The following CTDSPL variants were observed in gnomAD, a reference collection of about 807,000 sequenced individuals.
The protein encoded by CTDSPL is CTD small phosphatase-like protein.
A neutral mutation model predicts 30.5 loss-of-function variants in CTDSPL; 8 were observed. The ratio of observed to expected loss-of-function variants is 0.26; its 90% confidence interval spans 0.15 to 0.47. The LOEUF is 0.47. Among genes scored for constraint, CTDSPL ranks in the 20% least tolerant of loss-of-function variants. The pLI, the probability that CTDSPL is intolerant of heterozygous loss-of-function variation, is 0.99. For synonymous variants in CTDSPL, 110 were observed against 137.9 expected (o/e 0.80, Z 1.42); for missense variants, 248 against 366.1 (o/e 0.68, Z 2.63).
chr3:37,871,352 A>G (rs1481955820), intron 1 of CTDSPL, among the ~76,000 whole-genome samples: 1 of 152,112 alleles, frequency 6.6e-6, no homozygotes, highest in Non-Finnish European at 1.5e-5. Flanking sequence ...TTATCCATTC[A>G]CCTACTGAAG....
intron 1 of CTDSPL, among the ~76,000 whole-genome samples, chr3:37,911,445 C>T (rs1176605669): frequency 6.6e-6 from 1 of 152,112 alleles, no homozygotes; most frequent in East Asian, 1.9e-4. Context: ...AAGAGCAGGG[C>T]CTGCAAGATG....
rs908835524 is a variant in CTDSPL at position 37,975,320 on chromosome 3, T to G, written c.520-389T>G. On this transcript the variant is annotated intron_variant, in intron 6 of 7. Coordinates refer to ENST00000273179, the MANE Select transcript of CTDSPL (RefSeq NM_001008392.2). This position sits in a 1 kb window ranked among gnomAD's most constrained non-coding sequence, Gnocchi z 4.9. ...CAGAGGAGTGACATGATGGCACATA[T>G]GTTTTCCAGTGGCCACTCTGACAGC... Among the ~76,000 whole-genome samples the G allele has an allele frequency of 6.6e-6, 1 of 152,174 alleles. No homozygotes were observed.
At chr3:37,973,472 C>T (rs1387522259) in intron 6 of CTDSPL, among the ~76,000 whole-genome samples, 1 of 152,238 alleles carries the variant, frequency 6.6e-6, no homozygotes, top group African/African-American at 2.4e-5. Flanking sequence ...TTCAACCCTT[C>T]TCTTGCTGCT....
intron 1 of CTDSPL, among the ~76,000 whole-genome samples, chr3:37,892,342 T>C (rs1188474593): frequency 6.6e-6 from 1 of 152,226 alleles, no homozygotes; most frequent in African/African-American, 2.4e-5. Context: ...TAAAGGCACC[T>C]AACATTATAA....
intron 4 of CTDSPL, among the ~76,000 whole-genome samples, chr3:37,965,336 C>G (rs1389020962): frequency 6.6e-6 from 1 of 152,128 alleles, no homozygotes; most frequent in African/African-American, 2.4e-5. Context: ...GGAAAAACAG[C>G]AGAAACGGCC....
chr3:37,927,386 G>T (rs2125613298), intron 1 of CTDSPL, among the ~76,000 whole-genome samples: 1 of 151,972 alleles, frequency 6.6e-6, no homozygotes, highest in Admixed American at 6.6e-5. Flanking sequence ...TTTAGATTTG[G>T]GTCCTATCCC....
At chr3:37,959,223 C>G (rs1415684077) in intron 3 of CTDSPL, among the ~76,000 whole-genome samples, 1 of 152,152 alleles carries the variant, frequency 6.6e-6, no homozygotes, top group Non-Finnish European at 1.5e-5. Flanking sequence ...CCTCACCCCT[C>G]TTTTTTCATT....
chr3:37,972,527 C>A (rs1699379114), intron 6 of CTDSPL, among the ~76,000 whole-genome samples: 1 of 152,196 alleles, frequency 6.6e-6, no homozygotes, highest in Non-Finnish European at 1.5e-5. Flanking sequence ...ATGATAAAAT[C>A]ATTCAGACAT....
chr3:37,900,736 A>T (rs1340978509), intron 1 of CTDSPL, among the ~76,000 whole-genome samples: 2 of 152,234 alleles, frequency 1.3e-5, no homozygotes, highest in East Asian at 3.9e-4. Flanking sequence ...GCTGTTTTTT[A>T]AGGTACCATG....
At chr3:37,867,949 T>TA (rs751880064) in intron 1 of CTDSPL, among the ~76,000 whole-genome samples, 2 of 152,190 alleles carry the variant, frequency 1.3e-5, no homozygotes, top group African/African-American at 2.4e-5. Flanking sequence ...TCCTTTGAGT[T>TA]ACCTTTTTCA....
chr3:37,863,606 TGGCCACAGCC>T (rs1697971954), intron 1 of CTDSPL, among the ~76,000 whole-genome samples: 1 of 152,230 alleles, frequency 6.6e-6, no homozygotes, highest in Non-Finnish European at 1.5e-5. Flanking sequence ...AGGCCGGAGC[TGGCCACAGCC>T]GGCTTTGGGG....
intron 2 of CTDSPL, among the ~76,000 whole-genome samples, chr3:37,948,814 T>TTTTTTTTTTTTTTTC (rs1699073836): frequency 7.5e-6 from 1 of 133,556 alleles, no homozygotes; most frequent in African/African-American, 3.1e-5. Context: ...CTTTCTTTTT[T>TTTTTTTTTTTTTTTC]TTTTTTTTTT....
intron 1 of CTDSPL, among the ~76,000 whole-genome samples, chr3:37,928,257 G>T (rs1453602733): frequency 6.6e-6 from 1 of 152,212 alleles, no homozygotes; most frequent in Non-Finnish European, 1.5e-5. Context: ...AAGTGGAATT[G>T]CTGGATTACA....
intron 1 of CTDSPL, among the ~76,000 whole-genome samples, chr3:37,898,796 T>G (rs192141132): frequency 7.2e-5 from 11 of 152,258 alleles, no homozygotes; most frequent in Non-Finnish European, 1.2e-4. Flanking sequence ...ATTATGTAGG[T>G]CTAGGAAAGC....
chr3:37,933,560 G>A (rs138326553), intron 1 of CTDSPL, among the ~76,000 whole-genome samples: 17 of 152,312 alleles, frequency 1.1e-4, no homozygotes, highest in African/African-American at 3.6e-4. Context: ...AGGCAATATA[G>A]TGCAGAGATT....
intron 1 of CTDSPL, among the ~76,000 whole-genome samples, chr3:37,874,351 A>G (rs1019578514): frequency 6.8e-6 from 1 of 147,504 alleles, no homozygotes; most frequent in African/African-American, 2.5e-5. Context: ...GGGGTACATA[A>G]AAGTGCCAGT....
intron 1 of CTDSPL, among the ~76,000 whole-genome samples, chr3:37,917,010 C>G (rs966871594): frequency 6.6e-6 from 1 of 152,202 alleles, no homozygotes; most frequent in African/African-American, 2.4e-5. Flanking sequence ...AGCTTCTTCA[C>G]ATCTTTCTAG....
chr3:37,958,317 G>A (rs1031310054), intron 3 of CTDSPL, among the ~76,000 whole-genome samples: 3 of 152,328 alleles, frequency 2.0e-5, no homozygotes, highest in Non-Finnish European at 4.4e-5. Context: ...GTTTTGTTGA[G>A]AAAACTGGCT....
chr3:37,968,171 G>A (rs1019666030), intron 5 of CTDSPL: 2 of 459,168 alleles, frequency 4.4e-6, no homozygotes, highest in African/African-American at 2.0e-5. Context: ...TAGCTTGATG[G>A]TCTAATTAAC....
Sources: allele counts gnomAD v4.1 joint callset (sites outside exome capture counted in the v4.1 genomes callset), GRCh38; gene constraint gnomAD v4.1.1; non-coding constraint Gnocchi (gnomAD v3.1); transcripts MANE v1.5; gene names NCBI Gene and HGNC (gene_info 2026-07-23, HGNC 2026-07-21).